Variants in WDR20 observed in about 807,000 individuals in gnomAD.
The protein encoded by WDR20 is WD repeat domain 20, also known as WD repeat-containing protein 20.
WDR20 carries 3 observed loss-of-function variants against 38.7 expected under a neutral mutation model. The ratio of observed to expected loss-of-function variants is 0.08; its 90% CI spans 0.04 to 0.20. WDR20 has a LOEUF of 0.20. WDR20 is among the 10% of genes least tolerant of loss of function. WDR20 has a pLI of 1.00. For missense variants in WDR20, 559 were observed against 727.7 expected, an observed-to-expected ratio of 0.77 and a Z score of 2.67; for synonymous variants, 298 against 285.6, an observed-to-expected ratio of 1.04 and a Z score of -0.44.
chr14:102,196,687 C>A (rs558040281), intron 2 of WDR20, among the ~76,000 whole-genome samples: 23 of 152,256 alleles, frequency 1.5e-4, no homozygotes, highest in African/African-American at 5.3e-4. Flanking sequence ...ACCACACGTC[C>A]CCAGAATCTC....
chr14:102,172,980 G>A (rs1434570546), intron 1 of WDR20, among the ~76,000 whole-genome samples: 13 of 150,562 alleles, frequency 8.6e-5, no homozygotes, highest in African/African-American at 3.2e-4. Context: ...ACGGGGCGGC[G>A]GGGCAAAGGC....
chr14:102,179,763 A>C (rs2062978071), intron 1 of WDR20, among the ~76,000 whole-genome samples: 1 of 152,108 alleles, frequency 6.6e-6, no homozygotes, highest in African/African-American at 2.4e-5. Flanking sequence ...TTATTTTTTA[A>C]ATGCTTTGTA....
chr14:102,220,929 C>T lies in WDR20; in HGVS notation c.1693-1901C>T, dbSNP rs1368203458. On this transcript the variant is annotated intron_variant, in intron 3 of 3. Coordinates refer to the WDR20 transcript ENST00000335263. The surrounding 1 kb of genome is among the most constrained non-coding windows in gnomAD (Gnocchi z 4.2). The stretch of plus-strand genomic sequence containing the variant: ...GGGATGACAGCCGTGCGCCACCACA[C>T]CCGGCTAATTTTGTATTAGTAGAGA... Among the ~76,000 whole-genome samples the T allele has an allele frequency of 6.6e-6, 1 of 151,980 alleles. No homozygotes were observed. Among genetic ancestry groups the T allele is most frequent in the Non-Finnish European group, 1.5e-5 (1 of 67,976 alleles).
chr14:102,148,900 G>A (rs762123951), intron 1 of WDR20, among the ~76,000 whole-genome samples: 4 of 152,090 alleles, frequency 2.6e-5, no homozygotes, highest in Non-Finnish European at 5.9e-5. Flanking sequence ...GGTGGCTCAC[G>A]CTTGTAATCC....
At chr14:102,211,798 G>C (rs1437023222), downstream of WDR20, among the ~76,000 whole-genome samples, 1 of 152,346 alleles carries the variant, frequency 6.6e-6, no homozygotes, top group East Asian at 1.9e-4. The surrounding 1 kb of genome is among the most constrained non-coding windows in gnomAD (Gnocchi z 4.2). Flanking sequence ...ATGCTTCTGA[G>C]GCATTGAGTA....
chr14:102,139,531 C>T, upstream of WDR20: 1 of 997,000 alleles, frequency 1.0e-6, no homozygotes, highest in Non-Finnish European at 1.4e-6. Context: ...GAGGAGGCAC[C>T]CTCAAGTTCA....
At chr14:102,215,630 G>A (rs1275048856), downstream of WDR20, among the ~76,000 whole-genome samples, 29 of 152,104 alleles carry the variant, frequency 1.9e-4, 1 homozygote. Context: ...TTGCCCCCAG[G>A]TAGGCTGCTT....
At chr14:102,202,426 C>G (rs2060605890) in intron 2 of WDR20, among the ~76,000 whole-genome samples, 1 of 119,640 alleles carries the variant, frequency 8.4e-6, no homozygotes, top group African/African-American at 3.3e-5. Context: ...GTCGCCCAGG[C>G]TGGAGTGCAG....
downstream of WDR20, among the ~76,000 whole-genome samples, chr14:102,211,612 T>C (rs1329026275): frequency 2.0e-5 from 3 of 152,192 alleles, no homozygotes; most frequent in Admixed American, 2.0e-4. The surrounding 1 kb of genome is among the most constrained non-coding windows in gnomAD (Gnocchi z 4.2). Flanking sequence ...GTGTCCTCTC[T>C]ACCTGTGGAA....
In WDR20 at chr14:102,209,920, T is replaced by G. The variant is rs528060594; in HGVS notation, c.*40T>G. 80 of 1,540,632 alleles carry G rather than the reference T, an allele frequency of 5.2e-5. No homozygotes were observed. In the South Asian group the frequency reaches 8.7e-4, roughly 17 times the overall value. On this transcript the variant is annotated 3_prime_UTR_variant, in exon 3 of 3. Transcript: ENST00000342702. The surrounding 1 kb of genome is among the most constrained non-coding windows in gnomAD (Gnocchi z 6.0). The stretch of plus-strand genomic sequence containing the variant: ...TAGAACTTGAATAGGTAGTGACTTT[T>G]TTCTTTTTCGTGGGAGGGGTGGGGT...
Position 102,209,168 on chromosome 14 carries a change from A to T in WDR20, c.998A>T (p.Asp333Val). Residue 333 changes from aspartate (D) to valine (V), a missense_variant, in exon 3 of 3, where the codon GAC becomes GTC. Transcript: ENST00000342702. The surrounding 1 kb of genome is among the most constrained non-coding windows in gnomAD (Gnocchi z 6.0). ...DPMEFSGSDE[D>V]FQDLLHFGRD... ...ATGGAGTTTAGTGGCAGCGATGAGG[A>T]CTTCCAAGACCTTCTTCATTTTGGC... 1 of 1,614,114 alleles carries T rather than the reference A, an allele frequency of 6.2e-7. No individual in the cohort carries two copies. The highest frequency in any genetic ancestry group is 8.5e-7 in the Non-Finnish European group (1 of 1,180,014).
intron 1 of WDR20, among the ~76,000 whole-genome samples, chr14:102,169,090 C>T (rs1352456125): frequency 3.3e-5 from 5 of 152,308 alleles, no homozygotes; most frequent in South Asian, 2.1e-4. Context: ...ACCTCCTCCT[C>T]ATTTATTCCA....
chr14:102,213,366 T>C (rs1312318590), downstream of WDR20: 2 of 985,370 alleles, frequency 2.0e-6, no homozygotes, highest in Non-Finnish European at 2.4e-6. Context: ...CGAAATTTGC[T>C]TAAATCATGG....
At chr14:102,210,975 G>C (rs934753955), downstream of WDR20, among the ~76,000 whole-genome samples, 4 of 152,154 alleles carry the variant, frequency 2.6e-5, no homozygotes, top group Admixed American at 6.5e-5. Context: ...ATGTGCGTAG[G>C]CTTCGTCCTC....
rs528277126 is a variant in WDR20, at chr14:102,191,854, G to T, written c.250-3084G>T. Among the ~76,000 whole-genome samples the T allele has an allele frequency of 2.6e-5, 4 of 152,288 alleles. No homozygotes were observed. The East Asian group carries it at 7.7e-4, about 29-fold the overall frequency. ...TCTAGACAGTGCCACTCACACTAGT[G>T]TTGACAGATCAACTTTAAAAAAATT... On this transcript the variant is annotated intron_variant, in intron 1 of 2. Coordinates refer to ENST00000342702, the MANE Select transcript of WDR20 (RefSeq NM_144574.4).
chr14:102,162,150 G>T (rs553133882), intron 1 of WDR20, among the ~76,000 whole-genome samples: 1 of 152,306 alleles, frequency 6.6e-6, no homozygotes, highest in Admixed American at 6.5e-5. Flanking sequence ...GTCTTGCACT[G>T]GTCTAGGTTT....
chr14:102,210,821 CCCGAG>C (rs2062407415), downstream of WDR20, among the ~76,000 whole-genome samples: 1 of 152,174 alleles, frequency 6.6e-6, no homozygotes, highest in South Asian at 2.1e-4. Flanking sequence ...CCTGAGACTC[CCCGAG>C]TCTTCCGACT....
At chr14:102,224,505 C>T (rs886110250), downstream of WDR20, 9 of 446,370 alleles carry the variant, frequency 2.0e-5, no homozygotes, top group Admixed American at 7.3e-5. Flanking sequence ...CTGGATCCTT[C>T]GAAAGCTTTA....
chr14:102,184,977 C>T, intron 1 of WDR20, among the ~76,000 whole-genome samples: 1 of 152,050 alleles, frequency 6.6e-6, no homozygotes, highest in East Asian at 1.9e-4. Flanking sequence ...CAAGTGTGGG[C>T]TGTACTAGTA....
Sources: allele counts gnomAD v4.1 joint callset (sites outside exome capture counted in the v4.1 genomes callset), GRCh38; gene constraint gnomAD v4.1.1; non-coding constraint Gnocchi (gnomAD v3.1); transcripts MANE v1.5; gene names NCBI Gene and HGNC (gene_info 2026-07-23, HGNC 2026-07-21).